Variants in FGGY observed in about 807,000 individuals in gnomAD.
FGGY encodes the protein FGGY carbohydrate kinase domain-containing protein.
A neutral mutation model predicts 71.3 loss-of-function variants in FGGY; 72 were observed. The observed-to-expected ratio is 1.01, with a 90% confidence interval of 0.84 to 1.23. The LOEUF (loss-of-function observed/expected upper bound fraction) is 1.23, where lower values mean the gene tolerates loss of function less well. Ranked by LOEUF, FGGY falls within the 50% of genes most tolerant of loss-of-function variation. FGGY has a pLI of 0.00. For missense variants in FGGY, 668 were observed against 682.3 expected, an observed-to-expected ratio of 0.98 and a Z score of 0.23; for synonymous variants, 251 against 250.3, an observed-to-expected ratio of 1.00 and a Z score of -0.02.
intron 8 of FGGY, among the ~76,000 whole-genome samples, chr1:59,563,216 T>G (rs1046677464): frequency 1.3e-5 from 2 of 152,242 alleles, no homozygotes; most frequent in African/African-American, 4.8e-5. Context: ...CCACTCACTA[T>G]GATATTGGCT....
At chr1:59,342,373 A>G (rs1395449460) in intron 3 of FGGY, among the ~76,000 whole-genome samples, 2 of 152,228 alleles carry the variant, frequency 1.3e-5, no homozygotes, top group Non-Finnish European at 2.9e-5. Context: ...TTGCTTAAAT[A>G]TGTACCCTCT....
intron 7 of FGGY, among the ~76,000 whole-genome samples, chr1:59,520,987 A>G (rs771480299): frequency 6.7e-5 from 9 of 135,250 alleles, no homozygotes; most frequent in Non-Finnish European, 1.2e-4. Flanking sequence ...GTCCAAAATG[A>G]GAGAGAATAT....
chr1:59,568,439 C>G (rs1016163640), intron 8 of FGGY, among the ~76,000 whole-genome samples: 2 of 114,518 alleles, frequency 1.7e-5, no homozygotes, highest in African/African-American at 7.3e-5. Context: ...GTTGTTACTC[C>G]CAGCAAATTC....
At chr1:59,478,290 G>C (rs765123058) in intron 6 of FGGY, among the ~76,000 whole-genome samples, 16 of 152,142 alleles carry the variant, frequency 1.1e-4, no homozygotes, top group Non-Finnish European at 1.9e-4. Flanking sequence ...TAACTGTCAA[G>C]ATATCCCTCA....
At chr1:59,587,185 C>T (rs554629893) in intron 8 of FGGY, among the ~76,000 whole-genome samples, 181 of 152,346 alleles carry the variant, frequency 1.2e-3, no homozygotes, top group African/African-American at 4.2e-3. Flanking sequence ...CGGAGTCTCA[C>T]TGATTGCTAG....
intron 14 of FGGY, among the ~76,000 whole-genome samples, chr1:59,702,990 T>A (rs1034683886): frequency 6.6e-6 from 1 of 152,148 alleles, no homozygotes; most frequent in African/African-American, 2.4e-5. Context: ...CTTCCCCACT[T>A]TTATCTGTTA....
At chr1:59,475,839 C>T (rs945220868) in intron 6 of FGGY, among the ~76,000 whole-genome samples, 1 of 152,210 alleles carries the variant, frequency 6.6e-6, no homozygotes, top group African/African-American at 2.4e-5. Context: ...ATAATCCATT[C>T]TCCACACAGC....
chr1:59,307,263 A>G (rs2043575134), intron 1 of FGGY, among the ~76,000 whole-genome samples: 1 of 148,788 alleles, frequency 6.7e-6, no homozygotes, highest in Non-Finnish European at 1.5e-5. Context: ...ACAATGAGCT[A>G]TAATTGCATC....
intron 5 of FGGY, among the ~76,000 whole-genome samples, chr1:59,430,270 C>T (rs1420253524): frequency 6.6e-6 from 1 of 152,234 alleles, no homozygotes; most frequent in East Asian, 1.9e-4. Flanking sequence ...GTGTCAACGC[C>T]TACTTCTGTT....
At chr1:59,692,366 C>G (rs1267062185) in intron 14 of FGGY, among the ~76,000 whole-genome samples, 2 of 152,238 alleles carry the variant, frequency 1.3e-5, no homozygotes, top group East Asian at 1.9e-4. Context: ...AATTACTCTG[C>G]CCGTTAGGCT....
At chr1:59,503,991 G>A (rs1470463102) in intron 6 of FGGY, among the ~76,000 whole-genome samples, 1 of 152,086 alleles carries the variant, frequency 6.6e-6, no homozygotes, top group Admixed American at 6.6e-5. Flanking sequence ...ATGCTACACA[G>A]AGAGGCCAAA....
intron 6 of FGGY, among the ~76,000 whole-genome samples, chr1:59,487,636 T>C (rs1430639016): frequency 1.3e-5 from 2 of 152,206 alleles, no homozygotes; most frequent in Non-Finnish European, 2.9e-5. Context: ...AGGGTGGAGC[T>C]AAAACCTGCC....
intron 1 of FGGY, among the ~76,000 whole-genome samples, chr1:59,303,034 C>T (rs2043001457): frequency 6.6e-6 from 1 of 152,108 alleles, no homozygotes; most frequent in Non-Finnish European, 1.5e-5. Context: ...ATTGTACATG[C>T]TCAAGGTGTG....
chr1:59,761,273 C>T (rs1294451678), intron 15 of FGGY, among the ~76,000 whole-genome samples: 1 of 152,092 alleles, frequency 6.6e-6, no homozygotes, highest in Non-Finnish European at 1.5e-5. Flanking sequence ...TGTGCTTGGC[C>T]CCGTCACAAC....
intron 5 of FGGY, among the ~76,000 whole-genome samples, chr1:59,423,619 A>G (rs1382109643): frequency 6.6e-6 from 1 of 152,132 alleles, no homozygotes. Flanking sequence ...AAACCCCTTC[A>G]GTGACTCCCC....
chr1:59,460,765 C>T (rs557695471), intron 6 of FGGY, among the ~76,000 whole-genome samples: 6 of 152,330 alleles, frequency 3.9e-5, no homozygotes, highest in African/African-American at 1.4e-4. Flanking sequence ...GCAGCCTCCG[C>T]TGGTAATACC....
At chr1:59,375,265 GAA>G (rs1289366742) in intron 4 of FGGY, among the ~76,000 whole-genome samples, 3,145 of 99,856 alleles carry the variant, frequency 0.031, 106 homozygotes, top group African/African-American at 0.11. Flanking sequence ...TCTCAAAAAA[GAA>G]AAAAAAAAAA....
chr1:59,452,581 A>T (rs1335725810), intron 5 of FGGY, among the ~76,000 whole-genome samples: 4 of 152,158 alleles, frequency 2.6e-5, no homozygotes, highest in Non-Finnish European at 5.9e-5. Flanking sequence ...TACTCCCATT[A>T]AGTTAGTTAA....
At chr1:59,721,323 C>A (rs28449675) in intron 14 of FGGY, among the ~76,000 whole-genome samples, 6 of 107,550 alleles carry the variant, frequency 5.6e-5, no homozygotes, top group African/African-American at 2.3e-4. Context: ...GAGAGTTTTT[C>A]TTTTCTTTCC....
Sources: gnomAD v4.1 joint callset for allele counts (sites outside exome capture counted in the v4.1 genomes callset) on GRCh38, gnomAD v4.1.1 for gene constraint, MANE v1.5 for transcripts, NCBI Gene and HGNC (gene_info 2026-07-23, HGNC 2026-07-21) for gene names.